The following TTC19 variants were observed in gnomAD, a reference collection of about 807,000 sequenced individuals.
TTC19 encodes the protein tetratricopeptide repeat domain 19.
In TTC19, 38 loss-of-function variants were observed where a neutral mutation model predicts 49.5. The ratio of observed to expected loss-of-function variants is 0.77; its 90% CI spans 0.59 to 1.01. The LOEUF (loss-of-function observed/expected upper bound fraction) is 1.01. Among genes scored for constraint, TTC19 ranks in the 50% least tolerant of loss-of-function variants. TTC19 has a pLI of 0.00. For missense variants in TTC19, 475 were observed against 477.7 expected, an observed-to-expected ratio of 0.99 and a Z score of 0.05; for synonymous variants, 204 against 185.2, an observed-to-expected ratio of 1.10 and a Z score of -0.83.
At chr17:16,016,990 G>A (rs1004877274) in intron 7 of TTC19, among the ~76,000 whole-genome samples, 7 of 152,098 alleles carry the variant, frequency 4.6e-5, no homozygotes, top group East Asian at 1.9e-4. Flanking sequence ...CACCATGCCC[G>A]GCCGATAAAT....
chr17:16,031,687 T>A (rs924919306), downstream of TTC19: 6 of 227,922 alleles, frequency 2.6e-5, no homozygotes, highest in African/African-American at 1.1e-4. Context: ...TGTACAGATT[T>A]TATGACAGGG....
chr17:16,013,720 CAT>C (rs1006686852), intron 7 of TTC19, among the ~76,000 whole-genome samples: 1 of 152,234 alleles, frequency 6.6e-6, no homozygotes, highest in African/African-American at 2.4e-5. Flanking sequence ...ACAGTTGACA[CAT>C]GCTTCCTTTG....
chr17:16,034,745 A>G (rs926612562), intron 2 of TTC19: 3 of 1,584,148 alleles, frequency 1.9e-6, no homozygotes, highest in Non-Finnish European at 2.6e-6. Flanking sequence ...TCATTTTCTA[A>G]GTTAAAGCAG....
At chr17:16,012,398 A>C (rs932953890) in intron 7 of TTC19, among the ~76,000 whole-genome samples, 33 of 151,976 alleles carry the variant, frequency 2.2e-4, no homozygotes, top group Middle Eastern at 6.8e-3. Flanking sequence ...GAATCTCTTG[A>C]GCCTGGGAGG....
intron 2 of TTC19, among the ~76,000 whole-genome samples, chr17:16,037,358 G>GA (rs1428562494): frequency 6.6e-6 from 1 of 151,940 alleles, no homozygotes; most frequent in Non-Finnish European, 1.5e-5. Flanking sequence ...CATGCTATTA[G>GA]AAAAATAATG....
At chr17:16,036,213 T>C (rs2056333095) in intron 2 of TTC19, among the ~76,000 whole-genome samples, 1 of 152,200 alleles carries the variant, frequency 6.6e-6, no homozygotes, top group South Asian at 2.1e-4. Flanking sequence ...CCATCAGAGC[T>C]CTTGGGTGAC....
At chr17:16,027,128 AC>A in intron 9 of TTC19, 1 of 554,752 alleles carries the variant, frequency 1.8e-6, no homozygotes, top group Non-Finnish European at 3.2e-6. Context: ...TATTACACAT[AC>A]CACCATTCAT....
intron 2 of TTC19, among the ~76,000 whole-genome samples, chr17:16,035,530 CT>C (rs966987249): frequency 0.036 from 4,252 of 118,292 alleles, 167 homozygotes; most frequent in African/African-American, 0.1. Context: ...TTCTCTTGTT[CT>C]TTTTTTTTTT....
intron 7 of TTC19, among the ~76,000 whole-genome samples, chr17:16,020,979 G>A (rs1971361441): frequency 6.6e-6 from 1 of 152,066 alleles, no homozygotes; most frequent in African/African-American, 2.4e-5. Context: ...GAGCCACCAC[G>A]CCTAGCCCTT....
chr17:16,040,648 A>ATTT, intron 2 of TTC19: 2 of 635,724 alleles, frequency 3.1e-6, no homozygotes, highest in Non-Finnish European at 2.7e-6. Context: ...AAATGGAAGT[A>ATTT]TTTTTTTTTT....
At position 16,025,117 on chromosome 17, in the gene TTC19, G is replaced by GT. The variant is rs1387355459; in HGVS notation, c.778dup (p.Tyr260LeufsTer2). 1 of 1,613,980 alleles carries GT rather than the reference G, an allele frequency of 6.2e-7. No homozygotes were observed. The highest frequency in any genetic ancestry group is 1.1e-5 in the South Asian group (1 of 91,084). On this transcript the variant is annotated frameshift_variant, in exon 8 of 10. Coordinates refer to ENST00000261647, the MANE Select transcript of TTC19 (RefSeq NM_017775.4). LOFTEE classifies it high-confidence loss of function. Reference sequence around the variant, plus strand: ...AGCAGCCGTCACAGGCACAAAGGATGTATGAAAAAGCTCTGCAGATTTCTG... The same window carrying GT: ...AGCAGCCGTCACAGGCACAAAGGATGTTATGAAAAAGCTCTGCAGATTTCTG...
chr17:16,032,045 T>C (rs576498237), downstream of TTC19: 1 of 446,246 alleles, frequency 2.2e-6, no homozygotes, highest in East Asian at 4.1e-5. Context: ...TTAAAAACTC[T>C]ACATCTCAAC....
chr17:16,027,245 C>G (rs1290451739), intron 9 of TTC19, 129 bp from the exon 10 acceptor site: 1 of 1,059,684 alleles, frequency 9.4e-7, no homozygotes, highest in Non-Finnish European at 1.4e-6. Context: ...TGAAATGAGG[C>G]AGCACCAGCT....
intron 2 of TTC19, chr17:16,040,037 G>T (rs942954590): frequency 9.9e-6 from 4 of 402,152 alleles, no homozygotes; most frequent in Non-Finnish European, 1.9e-5. Flanking sequence ...TGATCCGCCC[G>T]CCTTGGCCTC....
intron 7 of TTC19, among the ~76,000 whole-genome samples, chr17:16,013,661 T>TTA: frequency 6.6e-6 from 1 of 152,350 alleles, no homozygotes; most frequent in East Asian, 1.9e-4. Flanking sequence ...CTGATGAGTT[T>TTA]TATAACAGTA....
At chr17:16,007,642 T>C (rs926316557) in intron 7 of TTC19, among the ~76,000 whole-genome samples, 1 of 152,176 alleles carries the variant, frequency 6.6e-6, no homozygotes, top group African/African-American at 2.4e-5. Context: ...CTGAGACTGC[T>C]GCTAAGTGAC....
chr17:16,044,691 C>T (rs1456400190), exon 3 of TTC19: 14 of 681,438 alleles, frequency 2.1e-5, no homozygotes, highest in African/African-American at 3.6e-5. Flanking sequence ...GTGACCATCA[C>T]GGAGGATAAG....
chr17:16,034,349 T>C (rs1011426517), downstream of TTC19, among the ~76,000 whole-genome samples: 1 of 152,096 alleles, frequency 6.6e-6, no homozygotes, highest in African/African-American at 2.4e-5. Flanking sequence ...TACTAACACT[T>C]TGTGAGGCCA....
chr17:16,040,616 T>A, intron 2 of TTC19: 1 of 877,794 alleles, frequency 1.1e-6, no homozygotes, highest in Non-Finnish European at 1.8e-6. Context: ...AACCTTTATT[T>A]CTCACCCATT....
Sources: gnomAD v4.1 joint callset for allele counts (sites outside exome capture counted in the v4.1 genomes callset) on GRCh38, gnomAD v4.1.1 for gene constraint, MANE v1.5 for transcripts, NCBI Gene and HGNC (gene_info 2026-07-23, HGNC 2026-07-21) for gene names.